The following SGCZ variants were observed in gnomAD, a reference collection of about 807,000 sequenced individuals.
SGCZ encodes the protein zeta-sarcoglycan.
A neutral mutation model predicts 41.3 loss-of-function variants in SGCZ; 40 were observed. The observed-to-expected ratio is 0.97, with a 90% CI of 0.75 to 1.26. The LOEUF is 1.26. Among genes scored for constraint, SGCZ ranks in the 50% most tolerant of loss-of-function variants. The pLI is 0.00. For missense variants in SGCZ, 552 were observed against 369.8 expected (o/e 1.49, Z -4.04); for synonymous variants, 206 against 137.5 (o/e 1.50, Z -3.49).
At chr8:15,166,419 T>C (rs1799668633) in intron 1 of SGCZ, among the ~76,000 whole-genome samples, 1 of 151,958 alleles carries the variant, frequency 6.6e-6, no homozygotes, top group African/African-American at 2.4e-5. Context: ...AGCTAGTTTT[T>C]TCTATTTTTT....
intron 3 of SGCZ, among the ~76,000 whole-genome samples, chr8:14,273,032 T>C (rs1267839569): frequency 6.6e-6 from 1 of 151,940 alleles, no homozygotes; most frequent in Non-Finnish European, 1.5e-5. Flanking sequence ...AATTTCTTAA[T>C]AACAACTAAG....
chr8:14,853,414 A>G (rs1488574602), intron 1 of SGCZ: 1 of 527,150 alleles, frequency 1.9e-6, no homozygotes, highest in Admixed American at 1.9e-5. Flanking sequence ...CCAAGGTCTC[A>G]TGAGGTAAAG....
intron 1 of SGCZ, among the ~76,000 whole-genome samples, chr8:15,146,788 A>G (rs1299419247): frequency 6.6e-6 from 1 of 152,182 alleles, no homozygotes; most frequent in African/African-American, 2.4e-5. Flanking sequence ...TGGCAAATGC[A>G]TGATCTTTTC....
chr8:14,111,795 C>A (rs7010173), intron 5 of SGCZ, among the ~76,000 whole-genome samples: 1 of 151,822 alleles, frequency 6.6e-6, no homozygotes, highest in South Asian at 2.1e-4. Flanking sequence ...TCTGCTTTGC[C>A]GGAAAGGAGA....
At chr8:14,662,306 G>A (rs1369249175) in intron 1 of SGCZ, among the ~76,000 whole-genome samples, 1 of 152,072 alleles carries the variant, frequency 6.6e-6, no homozygotes, top group African/African-American at 2.4e-5. Context: ...TTTTTGATTT[G>A]TCTGTTTCTG....
chr8:14,510,183 T>G (rs918191899), intron 2 of SGCZ, among the ~76,000 whole-genome samples: 1 of 152,084 alleles, frequency 6.6e-6, no homozygotes, highest in African/African-American at 2.4e-5. Context: ...CCTAATAAGT[T>G]TTGAGTTTAT....
At chr8:14,976,094 C>T (rs980045831) in intron 1 of SGCZ, among the ~76,000 whole-genome samples, 4 of 151,104 alleles carry the variant, frequency 2.6e-5, no homozygotes. Flanking sequence ...ACGATCTTCA[C>T]TCACTGTAAC....
chr8:14,850,699 A>T (rs1803283876), intron 1 of SGCZ, among the ~76,000 whole-genome samples: 1 of 152,156 alleles, frequency 6.6e-6, no homozygotes, highest in African/African-American at 2.4e-5. Context: ...TAATCCTCAT[A>T]ATCTCCATGT....
intron 1 of SGCZ, among the ~76,000 whole-genome samples, chr8:14,973,639 A>C (rs1007231223): frequency 1.3e-5 from 2 of 152,210 alleles, no homozygotes; most frequent in Non-Finnish European, 2.9e-5. Context: ...GTGTCCCACA[A>C]TCAAAAGCTC....
intron 3 of SGCZ, among the ~76,000 whole-genome samples, chr8:14,302,774 A>G (rs1268078046): frequency 1.3e-5 from 2 of 152,176 alleles, no homozygotes; most frequent in Non-Finnish European, 2.9e-5. Flanking sequence ...ATTTTTTTCC[A>G]CATATCTCAT....
chr8:15,238,234 A>G lies in SGCZ; in HGVS notation c.-611T>C, dbSNP rs1220272077. The stretch of plus-strand genomic sequence containing the variant: ...AGGTATTTTCTCAGTGGGGAAAAGA[A>G]GATAATCAAGTCAGAAGGGAACGTT... On this transcript the variant is annotated 5_prime_UTR_variant, in exon 1 of 8. Transcript: ENST00000382080. The G allele has an allele frequency of 6.6e-6, 1 of 152,340 alleles. No homozygotes were observed. Among genetic ancestry groups the G allele is most frequent in the Non-Finnish European group, 1.5e-5 (1 of 68,142 alleles). 9.4% of individuals were successfully genotyped at this position (152,340 alleles called of 1,614,324 possible). A position where few individuals can be genotyped will look rare whatever the true frequency, so the allele number is the denominator to read the frequency against.
chr8:14,172,454 T>A (rs1411975053), intron 4 of SGCZ, among the ~76,000 whole-genome samples: 1 of 152,170 alleles, frequency 6.6e-6, no homozygotes, highest in Non-Finnish European at 1.5e-5. Context: ...ATCCCACTGC[T>A]AAACTGAAAG....
At chr8:14,472,585 C>A (rs932034017) in intron 2 of SGCZ, among the ~76,000 whole-genome samples, 7 of 151,972 alleles carry the variant, frequency 4.6e-5, no homozygotes, top group African/African-American at 1.7e-4. Context: ...TAAGAAAACT[C>A]AATATTGATG....
Position 14,102,479 on chromosome 8 carries a change from G to A in SGCZ, c.641C>T (p.Ser214Phe), listed in dbSNP as rs879244879. Residue 214 changes from serine (S) to phenylalanine (F), a missense_variant, in exon 7 of 8, where the codon TCC becomes TTC. Physicochemically the swap from Ser to Phe is radical, Grantham distance 155 (BLOSUM62 -2). Coordinates refer to ENST00000382080, the MANE Select transcript of SGCZ (RefSeq NM_139167.4). ...QDLRLESPTRSLIMEAPRGVQ... is the reference protein window; with the variant it reads ...QDLRLESPTRFLIMEAPRGVQ... ...CCCACGGGGAGCTTCCATGATCAAGGATCTGGTGGGTGATTCAAGCCTAAG... is the reference window on the plus strand; with the variant it reads ...CCCACGGGGAGCTTCCATGATCAAGAATCTGGTGGGTGATTCAAGCCTAAG... The A allele has an allele frequency of 2.0e-6, 3 of 1,469,378 alleles. No individual in the cohort carries two copies. Among genetic ancestry groups the A allele is most frequent in the Non-Finnish European group, 2.7e-6 (3 of 1,093,580 alleles). The allele number at this position is 1,469,378 out of a possible 1,614,324, so 91.0% of individuals were successfully genotyped here. A position where few individuals can be genotyped will look rare whatever the true frequency, so the allele number is the denominator to read the frequency against.
At chr8:15,077,902 G>T (rs887340769) in intron 1 of SGCZ, among the ~76,000 whole-genome samples, 25 of 152,074 alleles carry the variant, frequency 1.6e-4, no homozygotes, top group African/African-American at 5.3e-4. Context: ...ATAAGGAAGT[G>T]TCCCCAGAGA....
At chr8:14,621,413 G>A (rs1418816157) in intron 1 of SGCZ, among the ~76,000 whole-genome samples, 1 of 151,486 alleles carries the variant, frequency 6.6e-6, no homozygotes, top group Non-Finnish European at 1.5e-5. Flanking sequence ...TTGTGCACAT[G>A]TACCATAGAA....
intron 2 of SGCZ, among the ~76,000 whole-genome samples, chr8:14,516,480 T>G (rs968270039): frequency 6.6e-6 from 1 of 152,124 alleles, no homozygotes; most frequent in Admixed American, 6.6e-5. Flanking sequence ...TTCCTCAAAC[T>G]GTAGGACAAA....
chr8:14,751,946 C>CA lies in SGCZ; in HGVS notation c.40-197021dup, dbSNP rs1431493848. 4.9e-3 allele frequency among the ~76,000 whole-genome samples: 594 copies of CA among 121,128 alleles called. 3 individuals carry two copies. The highest frequency in any genetic ancestry group is 0.018 in the African/African-American group (559 of 31,818). 79.5% of individuals were successfully genotyped at this position (121,128 alleles called of 152,430 possible). ...GACTCCGACTCAAGAAAAACAAAAA[C>CA]AAACAAAAAAAAAAAACACCTTAGA... On this transcript the variant is annotated intron_variant, in intron 1 of 7. Coordinates refer to ENST00000382080, the MANE Select transcript of SGCZ (RefSeq NM_139167.4).
At chr8:14,407,201 T>A (rs1019218379) in intron 2 of SGCZ, among the ~76,000 whole-genome samples, 1 of 151,622 alleles carries the variant, frequency 6.6e-6, no homozygotes, top group African/African-American at 2.4e-5. Context: ...CCTGAGTAGC[T>A]GGGATTACAG....
Sources: gnomAD v4.1 joint callset for allele counts (sites outside exome capture counted in the v4.1 genomes callset) on GRCh38, gnomAD v4.1.1 for gene constraint, MANE v1.5 for transcripts, NCBI Gene and HGNC (gene_info 2026-07-23, HGNC 2026-07-21) for gene names.